CAPN14: variants seen among roughly 807,000 people sequenced by gnomAD.
CAPN14 encodes calpain-14.
In CAPN14, 94 loss-of-function variants were observed where a neutral mutation model predicts 101.3. That is an observed-to-expected ratio of 0.93 (90% CI 0.79 to 1.10). The LOEUF is 1.10. Among genes scored for constraint, CAPN14 ranks in the 50% least tolerant of loss-of-function variants. The pLI is 0.00. For synonymous variants in CAPN14, 338 were observed against 317.9 expected (o/e 1.06, Z -0.67); for missense variants, 837 against 828.4 (o/e 1.01, Z -0.13).
At chr2:31,178,675 G>T in intron 17 of CAPN14, 96 bp from the exon 18 acceptor site, 1 of 790,032 alleles carries the variant, frequency 1.3e-6, no homozygotes, top group Non-Finnish European at 2.0e-6. Flanking sequence ...GCAATTTGTG[G>T]ATGGCCTCAT....
intron 1 of CAPN14, among the ~76,000 whole-genome samples, chr2:31,228,772 G>A (rs1161806877): frequency 6.6e-6 from 1 of 152,148 alleles, no homozygotes; most frequent in Non-Finnish European, 1.5e-5. Context: ...CTGAAAAAAT[G>A]CTATTGCCAT....
Position 31,212,312 on chromosome 2 carries a change from CAA to C in CAPN14, c.-53+5142_-53+5143del, listed in dbSNP as rs72155600. On this transcript the variant is annotated intron_variant, in intron 1 of 21. Coordinates refer to ENST00000403897, the MANE Select transcript of CAPN14 (RefSeq NM_001145122.2). ...GTGACAGAATAAGACCGTCTCAAAA[CAA>C]AAAAAAAAAAAAACAAAAAAAACAC... is the stretch of plus-strand genomic sequence containing the variant. Among the ~76,000 whole-genome samples the C allele has an allele frequency of 1.3e-3, 149 of 110,438 alleles. 1 individual carries two copies. The highest frequency in any genetic ancestry group is 4.6e-3 in the South Asian group (17 of 3,668). The allele number at this position is 110,438 out of a possible 152,430, so 72.5% of individuals were successfully genotyped here.
Position 31,174,551 on chromosome 2 carries a change from T to G in CAPN14, c.*130A>C. On this transcript the variant is annotated 3_prime_UTR_variant, in exon 22 of 22. Coordinates refer to ENST00000403897, the MANE Select transcript of CAPN14 (RefSeq NM_001145122.2). The stretch of plus-strand genomic sequence containing the variant: ...GCTGCAGAAGAGAAACCTTCCCAGC[T>G]GAGAAGGTGACGGCTAGTGAGGCTG... 6.5e-6 allele frequency: 6 copies of G among 925,546 alleles called. No individual in the cohort carries two copies. The highest frequency in any genetic ancestry group is 1.6e-5 in the African/African-American group (1 of 60,708). The allele number at this position is 925,546 out of a possible 1,614,324, so 57.3% of individuals were successfully genotyped here.
intron 5 of CAPN14, 39 bp from the exon 6 acceptor site, chr2:31,200,664 T>C (rs2148689270): frequency 6.7e-7 from 1 of 1,496,916 alleles, no homozygotes; most frequent in East Asian, 2.5e-5. Context: ...GAAAAAAGTA[T>C]CATGAGTATT....
rs1371894186 is a variant in CAPN14, at chr2:31,230,061, A to T, written c.-176-3410T>A. Among the ~76,000 whole-genome samples, 1 of 152,180 alleles carries T rather than the reference A, an allele frequency of 6.6e-6. No homozygotes were observed. Among genetic ancestry groups the T allele is most frequent in the African/African-American group, 2.4e-5 (1 of 41,424 alleles). On this transcript the variant is annotated intron_variant and NMD_transcript_variant, in intron 1 of 21. Coordinates refer to the CAPN14 transcript ENST00000398824. This position sits in a 1 kb window ranked among gnomAD's most constrained non-coding sequence, Gnocchi z 4.3. ...ACTTTCATTTTAGGTTCGGGGGTAC[A>T]TGTGAAGGTTTGTTATATAGGTAAA...
At position 31,176,938 on chromosome 2, in the gene CAPN14, T is replaced by C. The variant is rs1050014119; in HGVS notation, c.1972+88A>G. The C allele has an allele frequency of 1.7e-5, 17 of 972,406 alleles. No individual in the cohort carries two copies. In the Admixed American group the frequency reaches 3.4e-4, roughly 20 times the overall value. The allele number at this position is 972,406 out of a possible 1,614,324, so 60.2% of individuals were successfully genotyped here. A position where few individuals can be genotyped will look rare whatever the true frequency, so the allele number is the denominator to read the frequency against. ...TCTGCTGTTTCTGGGATGGCGGCTG[T>C]CCTCCCTTGTGCTTAAACTAGGGAC... On this transcript the variant is annotated intron_variant, in intron 20 of 21. Transcript: ENST00000403897.
At chr2:31,188,476 C>T in intron 13 of CAPN14, 122 bp from the exon 14 acceptor site, 1 of 778,274 alleles carries the variant, frequency 1.3e-6, no homozygotes, top group Non-Finnish European at 2.2e-6. Flanking sequence ...AAGGGCCCAC[C>T]CAGCTCTCAC....
intron 16 of CAPN14, among the ~76,000 whole-genome samples, chr2:31,186,023 A>G (rs1680882761): frequency 6.6e-6 from 1 of 152,142 alleles, no homozygotes; most frequent in Non-Finnish European, 1.5e-5. Flanking sequence ...TGCTTGATCA[A>G]TTTAACATGA....
intron 1 of CAPN14, among the ~76,000 whole-genome samples, chr2:31,206,185 G>C (rs1310403768): frequency 2.0e-5 from 3 of 151,828 alleles, no homozygotes; most frequent in Non-Finnish European, 2.9e-5. Context: ...AAGGCCGCAG[G>C]GGGTGCTGGG....
At chr2:31,198,328 G>A (rs2148687097) in intron 7 of CAPN14, among the ~76,000 whole-genome samples, 1 of 144,434 alleles carries the variant, frequency 6.9e-6, no homozygotes, top group Non-Finnish European at 1.5e-5. Context: ...GATGTCTCAT[G>A]TCTCCCTAAA....
chr2:31,200,295 G>A (rs1032138630), intron 6 of CAPN14, among the ~76,000 whole-genome samples, 156 bp downstream of exon 6: 6 of 152,176 alleles, frequency 3.9e-5, no homozygotes, highest in Admixed American at 6.5e-5. Context: ...GTGAGCCACC[G>A]CACCTGGCCT....
chr2:31,175,215 G>A (rs149704156), intron 21 of CAPN14, among the ~76,000 whole-genome samples: 3 of 152,276 alleles, frequency 2.0e-5, no homozygotes, highest in Non-Finnish European at 4.4e-5. Context: ...AAGCCTCAGC[G>A]TGAAATCCAA....
intron 5 of CAPN14, among the ~76,000 whole-genome samples, chr2:31,201,199 G>GTATGTGCATGTGTGTGTGCATA (rs1182990743): frequency 2.2e-4 from 27 of 124,476 alleles, no homozygotes; most frequent in Admixed American, 6.3e-4. Context: ...GTGTGTGCAT[G>GTATGTGCATGTGTGTGTGCATA]TGTGTGTGTG....
At chr2:31,191,805 G>T in intron 11 of CAPN14, 130 bp downstream of exon 11, 1 of 837,270 alleles carries the variant, frequency 1.2e-6, no homozygotes. Context: ...AAAGGACAGA[G>T]CCTGGATTTG....
intron 2 of CAPN14, among the ~76,000 whole-genome samples, chr2:31,224,863 T>C (rs1185379863): frequency 6.6e-6 from 1 of 152,024 alleles, no homozygotes; most frequent in Non-Finnish European, 1.5e-5. Flanking sequence ...TATAGAGATA[T>C]AAAAGATTTG....
In CAPN14 at chr2:31,203,176, A is replaced by C. The variant is rs546963620; in HGVS notation, c.226-37T>G. 25 of 1,533,026 alleles carry C rather than the reference A, an allele frequency of 1.6e-5. No homozygotes were observed. The South Asian group carries it at 2.6e-4, about 16-fold the overall frequency. The allele number at this position is 1,533,026 out of a possible 1,614,324, so 95.0% of individuals were successfully genotyped here. A position where few individuals can be genotyped will look rare whatever the true frequency, so the allele number is the denominator to read the frequency against. The stretch of plus-strand genomic sequence containing the variant: ...AAACAGAATTGTCATTCTGACCTAG[A>C]ACAAAAAAGCTCCTGGAGCTACAGT... On this transcript the variant is annotated intron_variant, in intron 2 of 21. Transcript: ENST00000403897.
At chr2:31,182,085 G>A (rs555080135) in intron 16 of CAPN14, among the ~76,000 whole-genome samples, 19 of 152,178 alleles carry the variant, frequency 1.2e-4, no homozygotes, top group African/African-American at 3.6e-4. Context: ...CTAGATCCCC[G>A]AGGATTCGCC....
chr2:31,178,916 C>T (rs1349463296), intron 17 of CAPN14, among the ~76,000 whole-genome samples: 2 of 151,708 alleles, frequency 1.3e-5, no homozygotes, highest in Non-Finnish European at 2.9e-5. Flanking sequence ...TAGTGGAGTA[C>T]CAGTAGTATT....
At chr2:31,191,482 T>C in intron 11 of CAPN14, 75 bp from the exon 12 acceptor site, 1 of 1,457,050 alleles carries the variant, frequency 6.9e-7, no homozygotes, top group Non-Finnish European at 9.2e-7. Flanking sequence ...GGAATCTGGC[T>C]CTTTCATAAA....
Sources: allele counts gnomAD v4.1 joint callset (sites outside exome capture counted in the v4.1 genomes callset), GRCh38; gene constraint gnomAD v4.1.1; non-coding constraint Gnocchi (gnomAD v3.1); transcripts MANE v1.5; gene names NCBI Gene and HGNC (gene_info 2026-07-23, HGNC 2026-07-21).